Variants in HS6ST3 observed in about 807,000 individuals in gnomAD.
HS6ST3 encodes the protein heparan-sulfate 6-O-sulfotransferase 3.
In HS6ST3, 12 loss-of-function variants were observed where a neutral mutation model predicts 36.7. The observed-to-expected ratio is 0.33, with a 90% CI of 0.21 to 0.53. The LOEUF (loss-of-function observed/expected upper bound fraction) is 0.53, where lower values mean the gene tolerates loss of function less well. HS6ST3 is among the 20% of genes least tolerant of loss of function. The probability of loss-of-function intolerance (pLI) is 0.95; values close to 1 mark genes in which losing one functional copy is unlikely to be tolerated. For synonymous variants in HS6ST3, 240 were observed against 257.5 expected (o/e 0.93, Z 0.65); for missense variants, 584 against 640.9 (o/e 0.91, Z 0.96).
intron 1 of HS6ST3, among the ~76,000 whole-genome samples, chr13:96,592,748 T>C (rs1357030353): frequency 6.6e-6 from 1 of 152,058 alleles, no homozygotes; most frequent in Non-Finnish European, 1.5e-5. Flanking sequence ...TCTTTAAAAA[T>C]GTCACGCCAC....
At chr13:96,321,146 G>C (rs2055001091) in intron 1 of HS6ST3, among the ~76,000 whole-genome samples, 1 of 151,438 alleles carries the variant, frequency 6.6e-6, no homozygotes, top group South Asian at 2.1e-4. Context: ...GTAAGTTAAG[G>C]TTGCTTCTTT....
chr13:96,157,161 T>C (rs2054114479), intron 1 of HS6ST3, among the ~76,000 whole-genome samples: 1 of 152,214 alleles, frequency 6.6e-6, no homozygotes, highest in Non-Finnish European at 1.5e-5. Flanking sequence ...CCTACTTTCT[T>C]ATTACATTAG....
At chr13:96,342,878 T>C (rs932361717) in intron 1 of HS6ST3, among the ~76,000 whole-genome samples, 1 of 152,224 alleles carries the variant, frequency 6.6e-6, no homozygotes, top group African/African-American at 2.4e-5. Context: ...CATTTGGAGA[T>C]AGCAGATATA....
intron 1 of HS6ST3, among the ~76,000 whole-genome samples, chr13:96,772,512 C>T (rs1156982222): frequency 6.6e-6 from 1 of 152,034 alleles, no homozygotes; most frequent in East Asian, 1.9e-4. Flanking sequence ...CAATAAATAG[C>T]AATAAATCAA....
intron 1 of HS6ST3, among the ~76,000 whole-genome samples, chr13:96,753,942 C>G (rs961705559): frequency 1.3e-5 from 2 of 152,126 alleles, no homozygotes; most frequent in Non-Finnish European, 2.9e-5. Context: ...GCCTCAGCCT[C>G]TCGATTACTG....
intron 1 of HS6ST3, among the ~76,000 whole-genome samples, chr13:96,827,032 A>G (rs764960774): frequency 2.6e-5 from 4 of 152,204 alleles, no homozygotes; most frequent in Non-Finnish European, 2.9e-5. Context: ...TGCTGACAGG[A>G]TGCTGTCACC....
At chr13:96,747,302 G>GA (rs139011001) in intron 1 of HS6ST3, among the ~76,000 whole-genome samples, 41,658 of 151,906 alleles carry the variant, frequency 0.27, 5,898 homozygotes, top group Non-Finnish European at 0.32. Flanking sequence ...GAAATATGAA[G>GA]AAAAAAGATC....
At chr13:96,695,817 C>G (rs1441398496) in intron 1 of HS6ST3, among the ~76,000 whole-genome samples, 1 of 152,010 alleles carries the variant, frequency 6.6e-6, no homozygotes, top group Non-Finnish European at 1.5e-5. Flanking sequence ...TCATGATGTT[C>G]AACCCAACAT....
intron 1 of HS6ST3, among the ~76,000 whole-genome samples, chr13:96,118,704 T>A (rs1486848522): frequency 7.5e-5 from 7 of 93,866 alleles, no homozygotes; most frequent in African/African-American, 3.1e-4. Context: ...TTTTTTTTTT[T>A]TTTTTTTTTT....
chr13:96,721,164 G>T (rs1400784344), intron 1 of HS6ST3, among the ~76,000 whole-genome samples: 1 of 152,116 alleles, frequency 6.6e-6, no homozygotes, highest in Non-Finnish European at 1.5e-5. Flanking sequence ...GAAGAGCAAG[G>T]TGTTCATGTG....
At chr13:96,765,588 TTCTCTCTCTC>T (rs58979172) in intron 1 of HS6ST3, among the ~76,000 whole-genome samples, 18,106 of 142,602 alleles carry the variant, frequency 0.13, 1,177 homozygotes, top group African/African-American at 0.18. Flanking sequence ...CTCTCTCTCT[TTCTCTCTCTC>T]TCTCTCTCTC....
intron 1 of HS6ST3, among the ~76,000 whole-genome samples, chr13:96,366,646 C>T (rs1336637666): frequency 6.6e-6 from 1 of 151,972 alleles, no homozygotes; most frequent in Non-Finnish European, 1.5e-5. Context: ...AGACCAATAA[C>T]ATCAGAATTC....
rs183467281 is a variant in HS6ST3 at position 96,544,512 on chromosome 13, A to G, written c.708-287978A>G. On this transcript the variant is annotated intron_variant, in intron 1 of 1. Transcript: ENST00000376705. The stretch of plus-strand genomic sequence containing the variant: ...CAACAGTGGAACAAGCTATTTAACA[A>G]AAGAGTGAGCACTTTGCCACTGAAA... Among the ~76,000 whole-genome samples, 497 of 152,300 alleles carry G rather than the reference A, an allele frequency of 3.3e-3. 3 individuals carry two copies. The highest frequency in any genetic ancestry group is 0.011 in the African/African-American group (475 of 41,556).
intron 1 of HS6ST3, among the ~76,000 whole-genome samples, chr13:96,344,266 A>G (rs1305563419): frequency 1.3e-5 from 2 of 152,224 alleles, no homozygotes; most frequent in Non-Finnish European, 2.9e-5. Context: ...TTATTCAATA[A>G]TCAATACAAT....
At chr13:96,620,618 T>G (rs1429311740) in intron 1 of HS6ST3, among the ~76,000 whole-genome samples, 1 of 152,218 alleles carries the variant, frequency 6.6e-6, no homozygotes, top group Non-Finnish European at 1.5e-5. Flanking sequence ...TACGCTTCAC[T>G]TTTTGATTAT....
chr13:96,509,202 TTTG>T (rs1291329411), intron 1 of HS6ST3, among the ~76,000 whole-genome samples: 1 of 152,198 alleles, frequency 6.6e-6, no homozygotes, highest in Non-Finnish European at 1.5e-5. Context: ...CATGGGATTA[TTTG>T]TTTTTTCTTG....
chr13:96,647,190 C>T (rs1240873993), intron 1 of HS6ST3, among the ~76,000 whole-genome samples: 1 of 151,894 alleles, frequency 6.6e-6, no homozygotes, highest in Non-Finnish European at 1.5e-5. Context: ...GAAAAGAAAT[C>T]AGAATACTTA....
intron 1 of HS6ST3, among the ~76,000 whole-genome samples, chr13:96,618,601 CT>C (rs1240663090): frequency 2.0e-5 from 3 of 152,148 alleles, no homozygotes; most frequent in Admixed American, 2.0e-4. Context: ...ACTCTCTTAA[CT>C]TACGGAGGGC....
intron 1 of HS6ST3, among the ~76,000 whole-genome samples, chr13:96,552,955 C>T (rs1043608266): frequency 2.6e-5 from 4 of 152,076 alleles, no homozygotes; most frequent in Non-Finnish European, 4.4e-5. Context: ...GTAGCAAATG[C>T]TCTTGGAGTC....
Sources: allele counts gnomAD v4.1 joint callset (sites outside exome capture counted in the v4.1 genomes callset), GRCh38; gene constraint gnomAD v4.1.1; transcripts MANE v1.5; gene names NCBI Gene and HGNC (gene_info 2026-07-23, HGNC 2026-07-21).